Variants in PLXNA2 observed in about 807,000 individuals in gnomAD.
PLXNA2 encodes plexin-A2.
PLXNA2 carries 91 observed loss-of-function variants against 193.5 expected under a neutral mutation model. That is an observed-to-expected ratio of 0.47 (90% confidence interval 0.40 to 0.56). The LOEUF (loss-of-function observed/expected upper bound fraction) is 0.56. Ranked by LOEUF, PLXNA2 falls within the 20% of genes least tolerant of loss-of-function variation. PLXNA2 has a pLI of 0.00. For synonymous variants in PLXNA2, 997 were observed against 1,027.3 expected, an observed-to-expected ratio of 0.97 and a Z score of 0.56; for missense variants, 1,995 against 2,503.2, an observed-to-expected ratio of 0.80 and a Z score of 4.33.
chr1:208,088,615 G>T (rs1666613023), intron 9 of PLXNA2, among the ~76,000 whole-genome samples: 1 of 152,190 alleles, frequency 6.6e-6, no homozygotes, highest in South Asian at 2.1e-4. Flanking sequence ...GAGATTTGGG[G>T]GGCCCCCATC....
chr1:208,051,398 C>A lies in PLXNA2; in HGVS notation c.3019G>T (p.Val1007Phe), dbSNP rs1327895746. ...AGGCCATTGGATGATGGGGGTGAGA[C>A]ACACACGATCTCACTCATTGACCTC... ...YGRSMSEIVC[V>F]SPPSSNGLGP... The change falls in exon 16 of 32, where the codon GTC becomes TTC. Residue 1007 changes from valine to phenylalanine, a missense_variant. Val to Phe is a conservative substitution (Grantham distance 50, BLOSUM62 -1). Around this residue, in one of 3 missense-constraint regions of PLXNA2, gnomAD observed 1,291 missense variants for 1,673.6 expected, o/e 0.77. Coordinates refer to ENST00000367033, the MANE Select transcript of PLXNA2 (RefSeq NM_025179.4). The A allele has an allele frequency of 6.2e-7, 1 of 1,611,684 alleles. No individual in the cohort carries two copies. Among genetic ancestry groups the A allele is most frequent in the East Asian group, 2.2e-5 (1 of 44,802 alleles).
intron 3 of PLXNA2, among the ~76,000 whole-genome samples, chr1:208,168,715 G>A (rs1669387148): frequency 2.2e-5 from 2 of 90,880 alleles, no homozygotes; most frequent in South Asian, 3.7e-4. Flanking sequence ...AAGACAAAGA[G>A]TATGCGGGGT....
chr1:208,068,615 G>A (rs185145137), intron 12 of PLXNA2, among the ~76,000 whole-genome samples: 5 of 152,294 alleles, frequency 3.3e-5, no homozygotes, highest in Admixed American at 2.6e-4. Context: ...CACTCGGGTC[G>A]TGCCTTCAGC....
Position 208,051,066 on chromosome 1 carries a change from C to G in PLXNA2, c.3198G>C (p.Leu1066=), listed in dbSNP as rs770521438. The G allele has an allele frequency of 3.1e-6, 5 of 1,614,124 alleles. No individual in the cohort carries two copies. In the East Asian group the frequency reaches 1.1e-4, roughly 36 times the overall value. The change falls in exon 17 of 32, where the codon CTG becomes CTC. Residue 1066 remains leucine, a synonymous_variant. Transcript: ENST00000367033. The stretch of plus-strand genomic sequence containing the variant: ...GGATCCTTGGCTCCTGAATGACATC[C>G]AGGTTGAAGCCTGTGATGGTCAGGG... The part of the protein sequence containing the change: ...HTPLTITGFN[L]DVIQEPRIRV...
intron 3 of PLXNA2, among the ~76,000 whole-genome samples, chr1:208,178,265 T>C (rs1183592082): frequency 6.6e-6 from 1 of 152,174 alleles, no homozygotes; most frequent in Non-Finnish European, 1.5e-5. Flanking sequence ...TGAAAATTAA[T>C]GTACACAATG....
At chr1:208,159,684 C>T (rs916220911) in intron 3 of PLXNA2, among the ~76,000 whole-genome samples, 1 of 152,244 alleles carries the variant, frequency 6.6e-6, no homozygotes, top group Admixed American at 6.5e-5. Context: ...TGGACTGGAG[C>T]TGGCATTCTC....
intron 12 of PLXNA2, among the ~76,000 whole-genome samples, chr1:208,064,269 C>G (rs1665713778): frequency 6.6e-6 from 1 of 152,230 alleles, no homozygotes; most frequent in African/African-American, 2.4e-5. Context: ...AATCTACTTT[C>G]CAGTAGCTGC....
intron 3 of PLXNA2, among the ~76,000 whole-genome samples, chr1:208,176,865 T>C (rs1245139910): frequency 6.6e-6 from 1 of 152,158 alleles, no homozygotes; most frequent in Non-Finnish European, 1.5e-5. Flanking sequence ...CCTACTCCCT[T>C]CCTCCTTGAG....
chr1:208,235,216 A>G (rs979960375), intron 1 of PLXNA2, among the ~76,000 whole-genome samples: 4 of 152,164 alleles, frequency 2.6e-5, no homozygotes, highest in Non-Finnish European at 5.9e-5. Flanking sequence ...CAGGGCCACT[A>G]TTGGCTTTCT....
Position 208,042,254 on chromosome 1 carries a change from C to G in PLXNA2, c.4130G>C (p.Ser1377Thr). The change falls in exon 22 of 32, where the codon AGT becomes ACT. Residue 1377 changes from serine (S) to threonine (T), a missense_variant. Coordinates refer to ENST00000367033, the MANE Select transcript of PLXNA2 (RefSeq NM_025179.4). The part of the protein sequence containing the change: ...TFIRTLELQR[S>T]FSMRDRGNVA... ...GTTGCCCCGGTCGCGCATGGAGAAA[C>G]TGCGCTGCAGCTCCAGGGTGCGGAT... 4 of 1,614,224 alleles carry G rather than the reference C, an allele frequency of 2.5e-6. No individual in the cohort carries two copies. The highest frequency in any genetic ancestry group is 3.4e-6 in the Non-Finnish European group (4 of 1,180,040).
At chr1:208,132,631 G>T (rs1453609274) in intron 4 of PLXNA2, among the ~76,000 whole-genome samples, 4 of 152,200 alleles carry the variant, frequency 2.6e-5, no homozygotes, top group Non-Finnish European at 5.9e-5. Context: ...GCTTAAATAA[G>T]GTAGGGCTGA....
In PLXNA2 at chr1:208,052,391, G is replaced by A. The variant is rs1350817550; in HGVS notation, c.2929C>T (p.His977Tyr). The A allele has an allele frequency of 2.5e-6, 4 of 1,614,058 alleles. No homozygotes were observed. The highest frequency in any genetic ancestry group is 3.4e-6 in the Non-Finnish European group (4 of 1,179,952). ...SGGTMVTITGHYLGAGSSVAV... is the reference protein window; with the variant it reads ...SGGTMVTITGYYLGAGSSVAV... ...ACGCTGCTCCCAGCCCCAAGGTAATGGCCGGTAATGGTCACCATAGTGCCT... is the reference window on the plus strand; with the variant it reads ...ACGCTGCTCCCAGCCCCAAGGTAATAGCCGGTAATGGTCACCATAGTGCCT... The change falls in exon 15 of 32, where the codon CAT becomes TAT. Residue 977 changes from histidine (H) to tyrosine (Y), a missense_variant. His to Tyr is a moderately conservative substitution (Grantham distance 83). Transcript: ENST00000367033.
At chr1:208,175,461 G>C (rs149022313) in intron 3 of PLXNA2, among the ~76,000 whole-genome samples, 4 of 152,140 alleles carry the variant, frequency 2.6e-5, no homozygotes, top group Admixed American at 2.0e-4. Flanking sequence ...GGACACAAAG[G>C]CTCCAGCATT....
intron 3 of PLXNA2, among the ~76,000 whole-genome samples, chr1:208,197,401 G>T (rs761793167): frequency 3.3e-5 from 5 of 152,238 alleles, no homozygotes; most frequent in South Asian, 2.1e-4. Context: ...AGCTGAACTG[G>T]GGGCTAATTG....
In PLXNA2 at chr1:208,084,587, G is replaced by C; in HGVS notation, c.2098-7C>G. Reference sequence around the variant, plus strand: ...GCACCAGCTGGGGACAGTCCTGGGGGAACAAACGAAGAGGCTCCATCTGTC... The same window carrying C: ...GCACCAGCTGGGGACAGTCCTGGGGCAACAAACGAAGAGGCTCCATCTGTC... On this transcript the variant is annotated splice_region_variant and splice_polypyrimidine_tract_variant and intron_variant, in intron 9 of 31. Transcript: ENST00000367033. The C allele has an allele frequency of 6.2e-7, 1 of 1,612,878 alleles. No homozygotes were observed. Among genetic ancestry groups the C allele is most frequent in the East Asian group, 2.2e-5 (1 of 44,860 alleles).
At chr1:208,064,504 C>T (rs1007739184) in intron 12 of PLXNA2, among the ~76,000 whole-genome samples, 3 of 152,194 alleles carry the variant, frequency 2.0e-5, no homozygotes, top group Admixed American at 6.5e-5. Flanking sequence ...CTACATCACG[C>T]TGTTTAAAAA....
intron 1 of PLXNA2, among the ~76,000 whole-genome samples, chr1:208,239,022 G>T (rs964970561): frequency 1.3e-5 from 2 of 152,072 alleles, no homozygotes; most frequent in South Asian, 2.1e-4. Flanking sequence ...TGCTGCAGGC[G>T]CCTTCTCATC....
chr1:208,129,585 G>A (rs1479901784), intron 4 of PLXNA2, among the ~76,000 whole-genome samples: 2 of 152,208 alleles, frequency 1.3e-5, no homozygotes, highest in Admixed American at 6.5e-5. Flanking sequence ...ACACTCCCAA[G>A]CTTTCCTTAA....
chr1:208,163,819 G>A (rs752329883), intron 3 of PLXNA2, among the ~76,000 whole-genome samples: 1 of 152,126 alleles, frequency 6.6e-6, no homozygotes, highest in Non-Finnish European at 1.5e-5. Context: ...GTTGAGTTTG[G>A]TGTCCCCAGT....
Sources: gnomAD v4.1 joint callset for allele counts (sites outside exome capture counted in the v4.1 genomes callset) on GRCh38, gnomAD v4.1.1 for gene constraint, gnomAD v4.1.1 regional missense constraint, MANE v1.5 for transcripts, NCBI Gene and HGNC (gene_info 2026-07-23, HGNC 2026-07-21) for gene names.